RARB: variants seen among roughly 807,000 people sequenced by gnomAD.
RARB encodes the protein retinoic acid receptor beta.
In RARB, 17 loss-of-function variants were observed where a neutral mutation model predicts 51.9. That is an observed-to-expected ratio of 0.33 (90% confidence interval 0.22 to 0.49). RARB has a LOEUF of 0.49. Among genes scored for constraint, RARB ranks in the 20% least tolerant of loss-of-function variants. RARB has a pLI of 0.99. For missense variants in RARB, 369 were observed against 550.8 expected, an observed-to-expected ratio of 0.67 and a Z score of 3.30; for synonymous variants, 215 against 195.4, an observed-to-expected ratio of 1.10 and a Z score of -0.84.
chr3:25,357,164 T>C (rs542160592), intron 5 of RARB, among the ~76,000 whole-genome samples: 7 of 152,328 alleles, frequency 4.6e-5, no homozygotes, highest in South Asian at 4.1e-4. Context: ...CTTCACATCC[T>C]CTCCAGCATC....
At chr3:25,438,344 A>G (rs1213952969) in intron 1 of RARB, among the ~76,000 whole-genome samples, 2 of 152,076 alleles carry the variant, frequency 1.3e-5, no homozygotes, top group Non-Finnish European at 2.9e-5. Flanking sequence ...TTCAATAACT[A>G]CCTTTCAGTT....
intron 2 of RARB, among the ~76,000 whole-genome samples, chr3:25,467,742 C>T (rs1050223468): frequency 6.6e-6 from 1 of 152,180 alleles, no homozygotes; most frequent in Non-Finnish European, 1.5e-5. Context: ...TTCTATTATT[C>T]CCTAGTTTGA....
chr3:25,133,097 C>T (rs192473921), intron 4 of RARB, among the ~76,000 whole-genome samples: 38 of 151,964 alleles, frequency 2.5e-4, no homozygotes, highest in Admixed American at 2.0e-3. Context: ...TAATGTTGAA[C>T]GAGTTCTTTT....
intron 4 of RARB, among the ~76,000 whole-genome samples, chr3:25,140,842 T>C (rs546360519): frequency 6.6e-6 from 1 of 151,784 alleles, no homozygotes; most frequent in Non-Finnish European, 1.5e-5. Flanking sequence ...CTCATCCACA[T>C]TGAGGCAAGA....
intron 1 of RARB, among the ~76,000 whole-genome samples, chr3:25,429,541 CTA>C (rs1296268589): frequency 5.9e-5 from 9 of 152,144 alleles, no homozygotes; most frequent in Non-Finnish European, 1.3e-4. Flanking sequence ...TGCTGTTTTG[CTA>C]GAAAACTACT....
chr3:25,296,497 A>C (rs1238369580), intron 5 of RARB, among the ~76,000 whole-genome samples: 1 of 152,208 alleles, frequency 6.6e-6, no homozygotes, highest in Non-Finnish European at 1.5e-5. Context: ...TGAAGTCGAC[A>C]TGAGGTTGAA....
chr3:25,115,794 T>A (rs1330169534), intron 3 of RARB, among the ~76,000 whole-genome samples: 1 of 151,948 alleles, frequency 6.6e-6, no homozygotes, highest in African/African-American at 2.4e-5. Context: ...CTCAGCTAAT[T>A]TTTTAATTTT....
chr3:25,417,579 T>C (rs1271471463), intron 5 of RARB, among the ~76,000 whole-genome samples: 1 of 152,194 alleles, frequency 6.6e-6, no homozygotes, highest in Non-Finnish European at 1.5e-5. Context: ...ATGTGAGATG[T>C]GCCTTTCACC....
chr3:25,390,178 A>G (rs1258299251), intron 5 of RARB, among the ~76,000 whole-genome samples: 3 of 152,092 alleles, frequency 2.0e-5, no homozygotes, highest in African/African-American at 4.8e-5. Context: ...GCCCTTATGA[A>G]TGGAATTCGC....
intron 3 of RARB, among the ~76,000 whole-genome samples, chr3:25,510,171 C>A (rs1697816764): frequency 6.6e-6 from 1 of 152,200 alleles, no homozygotes; most frequent in Non-Finnish European, 1.5e-5. Context: ...AAGAGACCTG[C>A]CTGAGGTCAC....
intron 5 of RARB, among the ~76,000 whole-genome samples, chr3:25,335,592 G>C (rs1489529708): frequency 6.6e-6 from 1 of 152,128 alleles, no homozygotes; most frequent in South Asian, 2.1e-4. Context: ...CTGCCCTAGG[G>C]TAACTGCTAA....
intron 2 of RARB, among the ~76,000 whole-genome samples, chr3:24,922,939 A>C (rs766280037): frequency 1.7e-4 from 26 of 152,182 alleles, no homozygotes; most frequent in Non-Finnish European, 2.5e-4. Context: ...ATTTATGAGA[A>C]AAGTAATTAC....
At chr3:25,024,278 A>T (rs1315411595) in intron 2 of RARB, among the ~76,000 whole-genome samples, 1 of 152,216 alleles carries the variant, frequency 6.6e-6, no homozygotes, top group African/African-American at 2.4e-5. Context: ...GGTGCGGCCA[A>T]AATACAATTA....
chr3:25,245,249 C>A (rs112380794), intron 5 of RARB, among the ~76,000 whole-genome samples: 1 of 152,068 alleles, frequency 6.6e-6, no homozygotes, highest in African/African-American at 2.4e-5. Context: ...GGGTTTTGAT[C>A]TTTATCCAAT....
intron 5 of RARB, among the ~76,000 whole-genome samples, chr3:25,343,555 T>C (rs886947632): frequency 1.3e-5 from 2 of 151,958 alleles, no homozygotes; most frequent in Non-Finnish European, 2.9e-5. Context: ...GAAAAAAAAA[T>C]TGGAAAAGGA....
At chr3:25,340,192 T>G (rs1043464337) in intron 5 of RARB, among the ~76,000 whole-genome samples, 1 of 152,152 alleles carries the variant, frequency 6.6e-6, no homozygotes, top group Non-Finnish European at 1.5e-5. Context: ...TGCACTGGGC[T>G]GACTACAAAG....
chr3:25,104,008 A>G (rs1429230525), intron 3 of RARB, among the ~76,000 whole-genome samples: 1 of 152,232 alleles, frequency 6.6e-6, no homozygotes, highest in Non-Finnish European at 1.5e-5. Flanking sequence ...CACTCACATC[A>G]GACAGATATG....
chr3:25,225,333 A>G (rs1702032645), intron 5 of RARB, among the ~76,000 whole-genome samples: 1 of 152,154 alleles, frequency 6.6e-6, no homozygotes, highest in African/African-American at 2.4e-5. Context: ...TAGTAAGTTA[A>G]TATGATAAAG....
chr3:24,987,881 A>G (rs891461168), intron 2 of RARB, among the ~76,000 whole-genome samples: 6 of 152,232 alleles, frequency 3.9e-5, no homozygotes, highest in Non-Finnish European at 8.8e-5. Flanking sequence ...ATACGCATAC[A>G]AAAACCAAAA....
Sources: gnomAD v4.1 joint callset for allele counts (sites outside exome capture counted in the v4.1 genomes callset) on GRCh38, gnomAD v4.1.1 for gene constraint, MANE v1.5 for transcripts, NCBI Gene and HGNC (gene_info 2026-07-23, HGNC 2026-07-21) for gene names.